MIA2: variants seen among roughly 807,000 people sequenced by gnomAD.
The protein encoded by MIA2 is MIA SH3 domain ER export factor 2.
In MIA2, 127 loss-of-function variants were observed where a neutral mutation model predicts 167.8. The ratio of observed to expected loss-of-function variants is 0.76; its 90% CI spans 0.66 to 0.88. The LOEUF (loss-of-function observed/expected upper bound fraction) is 0.88. Ranked by LOEUF, MIA2 falls within the 40% of genes least tolerant of loss-of-function variation. The pLI is 0.00. For synonymous variants in MIA2, 552 were observed against 541.9 expected (o/e 1.02, Z -0.26); for missense variants, 1,690 against 1,624.7 (o/e 1.04, Z -0.69).
In MIA2 at chr14:39,304,325, G is replaced by A. The variant is rs757379558; in HGVS notation, c.2822G>A (p.Arg941Lys). 1 of 1,575,564 alleles carries A rather than the reference G, an allele frequency of 6.3e-7. No individual in the cohort carries two copies. Among genetic ancestry groups the A allele is most frequent in the Admixed American group, 1.8e-5 (1 of 55,182 alleles). Residue 941 changes from arginine to lysine, a missense_variant, in exon 17 of 29, where the codon AGA becomes AAA. By Grantham distance (26) the Arg-to-Lys change is conservative (BLOSUM62 2). Transcript: ENST00000640607. ...NASLKTLEGE[R>K]NQIYIQLSEV... is the part of the protein sequence containing the mutation. ...TCTTTAAAAACCTTAGAAGGAGAAA[G>A]AAACCAAATTTATATTCAGTTGTCT...
At chr14:39,268,771 G>A (rs774234358) in intron 6 of MIA2, among the ~76,000 whole-genome samples, 8 of 152,298 alleles carry the variant, frequency 5.3e-5, no homozygotes, top group African/African-American at 1.7e-4. Flanking sequence ...AGGAAAGAGG[G>A]TACTGTGTGG....
chr14:39,279,650 A>G, intron 9 of MIA2, 113 bp downstream of exon 9: 1 of 691,698 alleles, frequency 1.4e-6, no homozygotes, highest in Admixed American at 3.0e-5. Flanking sequence ...GCAGAGTATG[A>G]GAGTTCTCTT....
At position 39,294,136 on chromosome 14, in the gene MIA2, TTAAG is replaced by T. The variant is rs2061096504; in HGVS notation, c.2391+66_2391+69del. On this transcript the variant is annotated intron_variant, in intron 12 of 28. Coordinates refer to ENST00000640607, the MANE Select transcript of MIA2 (RefSeq NM_001329214.4). ...ATAATTTTAGTTTAATTTTTTAAAATTAAGAAATAAGACACAATAGTAGGATTTG... is the reference window on the plus strand; with the variant it reads ...ATAATTTTAGTTTAATTTTTTAAAATAAATAAGACACAATAGTAGGATTTG... 27 of 1,207,760 alleles carry T rather than the reference TTAAG, an allele frequency of 2.2e-5. 1 individual carries two copies. The South Asian group carries it at 3.5e-4, about 15-fold the overall frequency. The allele number at this position is 1,207,760 out of a possible 1,614,324, so 74.8% of individuals were successfully genotyped here.
chr14:39,378,284 A>G (rs959351874), intron 23 of MIA2, among the ~76,000 whole-genome samples: 1 of 152,230 alleles, frequency 6.6e-6, no homozygotes, highest in Non-Finnish European at 1.5e-5. Context: ...AAAGTCATAA[A>G]AGATTATTTC....
At chr14:39,240,056 A>G (rs183514603) in intron 2 of MIA2, among the ~76,000 whole-genome samples, 27 of 152,308 alleles carry the variant, frequency 1.8e-4, no homozygotes, top group Admixed American at 8.5e-4. Context: ...AGAAAAGTAG[A>G]ATGGAACCAA....
chr14:39,281,140 G>T (rs1304152208), intron 9 of MIA2, among the ~76,000 whole-genome samples: 3 of 151,832 alleles, frequency 2.0e-5, no homozygotes, highest in African/African-American at 7.3e-5. Context: ...GTCCAGGCTG[G>T]TCTCGAACTC....
At chr14:39,264,696 T>C (rs2055349292) in intron 6 of MIA2, among the ~76,000 whole-genome samples, 1 of 152,240 alleles carries the variant, frequency 6.6e-6, no homozygotes, top group African/African-American at 2.4e-5. Context: ...AAGATGTGGC[T>C]CCACAATTTT....
intron 23 of MIA2, among the ~76,000 whole-genome samples, chr14:39,381,628 A>G (rs1334184144): frequency 2.0e-5 from 3 of 151,394 alleles, no homozygotes; most frequent in African/African-American, 7.3e-5. Flanking sequence ...TTACATAAAT[A>G]AAGTCCCTGT....
chr14:39,363,674 A>G (rs951792997), intron 23 of MIA2, among the ~76,000 whole-genome samples: 16 of 152,174 alleles, frequency 1.1e-4, no homozygotes, highest in African/African-American at 3.9e-4. Flanking sequence ...TTTGCTTCAG[A>G]TATTTCTTCT....
intron 7 of MIA2, among the ~76,000 whole-genome samples, chr14:39,277,766 A>ATG: frequency 2.3e-5 from 1 of 42,712 alleles, no homozygotes; most frequent in Admixed American, 4.1e-4. Context: ...ATATATATAT[A>ATG]TATATATATA....
At chr14:39,343,913 C>G (rs1205300721) in intron 25 of MIA2, among the ~76,000 whole-genome samples, 2 of 152,148 alleles carry the variant, frequency 1.3e-5, no homozygotes, top group African/African-American at 4.8e-5. Context: ...TCTTTCAGGG[C>G]AAGCTTTACT....
In MIA2 at chr14:39,234,107, G is replaced by A. The variant is rs2053626886; in HGVS notation, c.-8G>A. The A allele has an allele frequency of 6.3e-7, 1 of 1,589,946 alleles. No individual in the cohort carries two copies. The highest frequency in any genetic ancestry group is 8.6e-7 in the Non-Finnish European group (1 of 1,165,256). ...CTTCACTTGGGATTCCCGGTTGCTT[G>A]TTTTAGCATGGCAAAATTTGGCGTT... is the stretch of plus-strand genomic sequence containing the variant. On this transcript the variant is annotated 5_prime_UTR_variant, in exon 1 of 29. Coordinates refer to ENST00000640607, the MANE Select transcript of MIA2 (RefSeq NM_001329214.4).
intron 2 of MIA2, 135 bp from the exon 3 acceptor site, chr14:39,240,426 T>C: frequency 1.9e-6 from 1 of 527,584 alleles, no homozygotes; most frequent in East Asian, 3.2e-5. Context: ...CTCTTTTTTA[T>C]ATGGAAATTG....
At chr14:39,331,661 A>G (rs749501143) in intron 25 of MIA2, among the ~76,000 whole-genome samples, 1 of 152,188 alleles carries the variant, frequency 6.6e-6, no homozygotes, top group African/African-American at 2.4e-5. Flanking sequence ...GGTGGAGCCA[A>G]AATCCCTAAG....
At chr14:39,298,467 G>GA (rs11459935) in intron 13 of MIA2, among the ~76,000 whole-genome samples, 91,011 of 104,360 alleles carry the variant, frequency 0.87, 40,516 homozygotes, top group East Asian at 0.96. Flanking sequence ...CATGTGTTCG[G>GA]AATACGCTAA....
chr14:39,257,194 C>T (rs1251779695), intron 6 of MIA2, among the ~76,000 whole-genome samples: 1 of 152,106 alleles, frequency 6.6e-6, no homozygotes. Context: ...GCATCAAAGT[C>T]TCCCAGTATT....
At chr14:39,341,650 A>G (rs2071875597) in intron 25 of MIA2, among the ~76,000 whole-genome samples, 1 of 152,104 alleles carries the variant, frequency 6.6e-6, no homozygotes, top group East Asian at 1.9e-4. Flanking sequence ...AGAGGAGAGG[A>G]CTGTCAGATC....
At chr14:39,332,814 G>C (rs536699769) in intron 25 of MIA2, among the ~76,000 whole-genome samples, 2 of 151,994 alleles carry the variant, frequency 1.3e-5, no homozygotes, top group Non-Finnish European at 2.9e-5. Flanking sequence ...GACATCACCC[G>C]CCTTCTGCTT....
intron 23 of MIA2, chr14:39,386,527 A>G: frequency 1.5e-6 from 2 of 1,349,664 alleles, no homozygotes; most frequent in Non-Finnish European, 2.1e-6. Flanking sequence ...TTATATTCAC[A>G]TTTCTCCTTT....
Sources: gnomAD v4.1 joint callset for allele counts (sites outside exome capture counted in the v4.1 genomes callset) on GRCh38, gnomAD v4.1.1 for gene constraint, MANE v1.5 for transcripts, NCBI Gene and HGNC (gene_info 2026-07-23, HGNC 2026-07-21) for gene names.